Variants in CD81 observed in about 807,000 individuals in gnomAD.
The protein encoded by CD81 is CD81 molecule, also known as CD81 antigen.
In CD81, 10 loss-of-function variants were observed where a neutral mutation model predicts 30.1. The observed-to-expected ratio is 0.33, with a 90% CI of 0.21 to 0.56. The LOEUF (loss-of-function observed/expected upper bound fraction) is 0.56. CD81 is among the 20% of genes least tolerant of loss of function. CD81 has a pLI of 0.89. For missense variants in CD81, 263 were observed against 308.7 expected (o/e 0.85, Z 1.11); for synonymous variants, 147 against 126.4 (o/e 1.16, Z -1.10).
At chr11:2,390,763 C>T (rs1348973813) in intron 2 of CD81, among the ~76,000 whole-genome samples, 1 of 152,122 alleles carries the variant, frequency 6.6e-6, no homozygotes, top group Non-Finnish European at 1.5e-5. Flanking sequence ...TGGGCAGGGA[C>T]TGTGTGGAGA....
Position 2,394,077 on chromosome 11 carries a change from T to C in CD81, c.182-18T>C, listed in dbSNP as rs575360607. 26 of 1,597,658 alleles carry C rather than the reference T, an allele frequency of 1.6e-5. No homozygotes were observed. The East Asian group carries it at 2.7e-4, about 16-fold the overall frequency. On this transcript the variant is annotated intron_variant, in intron 2 of 7. Coordinates refer to ENST00000263645, the MANE Select transcript of CD81 (RefSeq NM_004356.4). ...GGCGAGTGTGTAGGCACCCACCTGG[T>C]GTCTCTCTCCCCGCAAGGCATCTAC...
chr11:2,389,952 TC>T (rs1849867798), intron 1 of CD81: 1 of 318,198 alleles, frequency 3.1e-6, no homozygotes, highest in Admixed American at 4.2e-5. Context: ...GGGGCAGTGT[TC>T]CTGGGATGCT....
intron 6 of CD81, 134 bp from the exon 7 acceptor site, chr11:2,396,494 T>A: frequency 4.9e-6 from 4 of 811,642 alleles, no homozygotes; most frequent in Non-Finnish European, 6.3e-6. Context: ...TGTTCCGAGG[T>A]GGGTAGGGGG....
At chr11:2,388,282 G>C (rs187519584) in intron 1 of CD81, among the ~76,000 whole-genome samples, 306 of 152,328 alleles carry the variant, frequency 2.0e-3, no homozygotes, top group South Asian at 3.9e-3. Flanking sequence ...GTGAGGGAAA[G>C]GGGGAAGAGG....
rs1849651745 is a variant in CD81, at chr11:2,378,992, C to CGT, written c.66+1377_66+1378insGT. The stretch of plus-strand genomic sequence containing the variant: ...CCCCAAGCCGGGCTGTTCTGCACAG[C>CGT]CTGCTTGGGACGCTGGTGGGAGTCA... On this transcript the variant is annotated intron_variant, in intron 1 of 7. Coordinates refer to ENST00000263645, the MANE Select transcript of CD81 (RefSeq NM_004356.4). The surrounding 1 kb of genome is among the most constrained non-coding windows in gnomAD (Gnocchi z 4.9). 6.6e-6 allele frequency among the ~76,000 whole-genome samples: 1 copy of CGT among 152,230 alleles called. No homozygotes were observed. The highest frequency in any genetic ancestry group is 6.5e-5 in the Admixed American group (1 of 15,288).
At chr11:2,385,275 T>G (rs1220233706) in intron 1 of CD81, among the ~76,000 whole-genome samples, 3 of 151,942 alleles carry the variant, frequency 2.0e-5, no homozygotes, top group Admixed American at 6.5e-5. Flanking sequence ...TTTGACAAAT[T>G]TATACCCCCG....
chr11:2,385,885 G>T, intron 1 of CD81: 1 of 648,894 alleles, frequency 1.5e-6, no homozygotes. Flanking sequence ...AGTCTTGTGT[G>T]AACCTAAGTT....
At chr11:2,386,553 A>G (rs903921213) in intron 1 of CD81, 3 of 717,188 alleles carry the variant, frequency 4.2e-6, no homozygotes, top group Non-Finnish European at 7.8e-6. Flanking sequence ...GTTGTCACCT[A>G]GCTCCAGCTC....
chr11:2,396,491 A>T (rs1850007457), intron 6 of CD81, 137 bp from the exon 7 acceptor site: 1 of 802,742 alleles, frequency 1.2e-6, no homozygotes, highest in African/African-American at 1.7e-5. Flanking sequence ...GCCTGTTCCG[A>T]GGTGGGTAGG....
chr11:2,387,205 A>G (rs1422407236), intron 1 of CD81, among the ~76,000 whole-genome samples: 1 of 151,996 alleles, frequency 6.6e-6, no homozygotes, highest in Admixed American at 6.5e-5. Context: ...CGGTTCCATG[A>G]TCAGCTCTGT....
At chr11:2,395,163 G>A (rs945119735) in intron 4 of CD81, 117 bp downstream of exon 4, 2 of 877,896 alleles carry the variant, frequency 2.3e-6, no homozygotes, top group Non-Finnish European at 3.7e-6. Context: ...GCTCTTCCTG[G>A]GTCCCACTTG....
rs1410446220 is a variant in CD81, at chr11:2,380,427, GCA to G, written c.66+2824_66+2825del. ...CACAGGCACTCACACACACGAATGT[GCA>G]CACACACACACTCCCACCTTCACAC... is the stretch of plus-strand genomic sequence containing the variant. On this transcript the variant is annotated intron_variant, in intron 1 of 7. Transcript: ENST00000263645. Among the ~76,000 whole-genome samples the G allele has an allele frequency of 3.9e-5, 6 of 152,010 alleles. No homozygotes were observed. The East Asian group carries it at 9.7e-4, about 24-fold the overall frequency.
chr11:2,383,081 C>G (rs905053963), intron 1 of CD81, among the ~76,000 whole-genome samples: 1 of 152,184 alleles, frequency 6.6e-6, no homozygotes, highest in Admixed American at 6.5e-5. Flanking sequence ...CTCACATCCC[C>G]CAGCTGGCGG....
At chr11:2,395,373 G>A (rs764150108) in intron 4 of CD81, 43 bp from the exon 5 acceptor site, 1 of 1,501,496 alleles carries the variant, frequency 6.7e-7, no homozygotes, top group South Asian at 1.1e-5. Flanking sequence ...GGGGCAAGGA[G>A]GGGGAGGTTC....
chr11:2,385,901 C>G, intron 1 of CD81: 1 of 652,864 alleles, frequency 1.5e-6, no homozygotes, highest in Non-Finnish European at 2.8e-6. Flanking sequence ...AAGTTCATTT[C>G]TCTTGGGTAA....
intron 6 of CD81, 115 bp downstream of exon 6, chr11:2,396,085 C>T (rs1849995901): frequency 3.4e-6 from 2 of 589,806 alleles, no homozygotes; most frequent in Non-Finnish European, 6.3e-6. Flanking sequence ...CACTGGGTGG[C>T]ATGGCCCCTG....
chr11:2,396,373 A>G (rs986238319), intron 6 of CD81: 1 of 598,158 alleles, frequency 1.7e-6, no homozygotes, highest in East Asian at 2.8e-5. Context: ...TAGTGACACC[A>G]ATGACCGTGA....
intron 1 of CD81, chr11:2,385,534 CCGT>C (rs1446011179): frequency 2.3e-5 from 6 of 266,630 alleles, no homozygotes; most frequent in Admixed American, 1.0e-4. Context: ...TGTGGCGTGC[CCGT>C]CGTCTGTGTG....
rs533018684 is a variant in CD81 at position 2,390,379 on chromosome 11, C to T, written c.67-33C>T. Reference sequence around the variant, plus strand: ...GCGCACTCCCTGCTGCAGTGCTCTTCGTACATGTGACACTGTTCCCGCTCT... The same window carrying T: ...GCGCACTCCCTGCTGCAGTGCTCTTTGTACATGTGACACTGTTCCCGCTCT... On this transcript the variant is annotated intron_variant, in intron 1 of 7. Coordinates refer to ENST00000263645, the MANE Select transcript of CD81 (RefSeq NM_004356.4). The T allele has an allele frequency of 3.9e-5, 60 of 1,545,680 alleles. No individual in the cohort carries two copies. The South Asian group carries it at 4.5e-4, about 11-fold the overall frequency.
Sources: allele counts gnomAD v4.1 joint callset (sites outside exome capture counted in the v4.1 genomes callset), GRCh38; gene constraint gnomAD v4.1.1; non-coding constraint Gnocchi (gnomAD v3.1); transcripts MANE v1.5; gene names NCBI Gene and HGNC (gene_info 2026-07-23, HGNC 2026-07-21).